The following PRR16 variants were observed in gnomAD, a reference collection of about 807,000 sequenced individuals.
PRR16 encodes the protein protein Largen.
In PRR16, 6 loss-of-function variants were observed where a neutral mutation model predicts 18.2. That is an observed-to-expected ratio of 0.33 (90% CI 0.18 to 0.65). The LOEUF is 0.65. Among genes scored for constraint, PRR16 ranks in the 30% least tolerant of loss-of-function variants. The probability of loss-of-function intolerance (pLI) is 0.74; values close to 1 mark genes in which losing one functional copy is unlikely to be tolerated. For missense variants in PRR16, 412 were observed against 376.6 expected (o/e 1.09, Z -0.78); for synonymous variants, 151 against 147.8 (o/e 1.02, Z -0.16).
intron 1 of PRR16, among the ~76,000 whole-genome samples, chr5:120,594,148 C>T (rs1753728483): frequency 6.6e-6 from 1 of 152,028 alleles, no homozygotes; most frequent in South Asian, 2.1e-4. Context: ...GAAGTCCTGG[C>T]AAGAGCAATC....
At chr5:120,563,149 A>T (rs1348295709) in intron 1 of PRR16, among the ~76,000 whole-genome samples, 1 of 152,114 alleles carries the variant, frequency 6.6e-6, no homozygotes, top group African/African-American at 2.4e-5. Flanking sequence ...TGCCAGCTAT[A>T]TTATTCTATG....
chr5:120,714,901 C>T, the PRR16 span, among the ~76,000 whole-genome samples: 2 of 152,198 alleles, frequency 1.3e-5, no homozygotes, highest in South Asian at 4.1e-4. Flanking sequence ...GAAAACCAAA[C>T]ACTACATGTT....
rs189084984 is a variant in PRR16 at position 120,575,320 on chromosome 5, C to T, written c.160-110634C>T. ...TTGATTACAAAACCAGACAAGGAAACACACACACACACACACACACACACA... is the reference window on the plus strand; with the variant it reads ...TTGATTACAAAACCAGACAAGGAAATACACACACACACACACACACACACA... On this transcript the variant is annotated intron_variant, in intron 1 of 1. Transcript: ENST00000407149. Among the ~76,000 whole-genome samples, 659 of 143,108 alleles carry T rather than the reference C, an allele frequency of 4.6e-3. 3 individuals are homozygous for T. Among genetic ancestry groups the T allele is most frequent in the Middle Eastern group, 0.031 (8 of 254 alleles). 93.9% of individuals were successfully genotyped at this position (143,108 alleles called of 152,430 possible). A position where few individuals can be genotyped will look rare whatever the true frequency, so the allele number is the denominator to read the frequency against.
intron 1 of PRR16, among the ~76,000 whole-genome samples, chr5:120,466,922 A>G (rs11954401): frequency 0.015 from 2,231 of 152,274 alleles, 54 homozygotes; most frequent in African/African-American, 0.051. Context: ...TCATCATCCT[A>G]GATTTGCACA....
At chr5:120,576,404 A>G (rs1158071046) in intron 1 of PRR16, among the ~76,000 whole-genome samples, 2 of 152,202 alleles carry the variant, frequency 1.3e-5, no homozygotes, top group Non-Finnish European at 2.9e-5. Flanking sequence ...ACCAACAAGT[A>G]TATGAAAAAA....
chr5:120,692,958 GAATA>G, the PRR16 span, among the ~76,000 whole-genome samples: 5 of 152,052 alleles, frequency 3.3e-5, no homozygotes, highest in South Asian at 2.1e-4. Flanking sequence ...TCAAGTTTCT[GAATA>G]AATAATCTTT....
chr5:120,737,730 C>T, the PRR16 span, among the ~76,000 whole-genome samples: 8 of 151,096 alleles, frequency 5.3e-5, no homozygotes, highest in East Asian at 2.0e-4. Flanking sequence ...CCATCCAGTA[C>T]GGGATTATTT....
chr5:120,686,591 G>T lies in PRR16; in HGVS notation c.797G>T (p.Gly266Val). The change falls in exon 2 of 2, where the codon GGA becomes GTA. Residue 266 changes from glycine to valine, a missense_variant. By Grantham distance (109) the Gly-to-Val change is moderately radical (BLOSUM62 -3). Transcript: ENST00000407149. The part of the protein sequence containing the change: ...HLPPFPLENG[G>V]MGISHSNSFP... ...CCTCCTTTCCCACTAGAAAATGGGG[G>T]AATGGGAATAAGCCACAGTAACAGC... The T allele has an allele frequency of 6.2e-7, 1 of 1,613,588 alleles. No individual in the cohort carries two copies. The highest frequency in any genetic ancestry group is 8.5e-7 in the Non-Finnish European group (1 of 1,179,838).
At chr5:120,523,687 T>C (rs766644187) in intron 1 of PRR16, among the ~76,000 whole-genome samples, 1 of 152,174 alleles carries the variant, frequency 6.6e-6, no homozygotes. Context: ...CAGTGACTTA[T>C]TATGCTTAAA....
the PRR16 span, among the ~76,000 whole-genome samples, chr5:120,745,685 A>ATTTTATTAT: frequency 6.6e-6 from 1 of 150,558 alleles, no homozygotes; most frequent in Non-Finnish European, 1.5e-5. Context: ...TATTTATTTT[A>ATTTTATTAT]TTATTTATTT....
chr5:120,486,404 T>C (rs948112684), intron 1 of PRR16, among the ~76,000 whole-genome samples: 9 of 150,700 alleles, frequency 6.0e-5, no homozygotes, highest in African/African-American at 2.0e-4. Context: ...TGGCCAGTGA[T>C]GATGAGCATT....
chr5:120,469,569 A>G (rs575368820), intron 1 of PRR16, among the ~76,000 whole-genome samples: 1 of 152,132 alleles, frequency 6.6e-6, no homozygotes, highest in East Asian at 1.9e-4. Context: ...TCTTCAAGTC[A>G]TCCTCCTGCT....
intron 1 of PRR16, among the ~76,000 whole-genome samples, chr5:120,512,930 A>G (rs1178284188): frequency 1.3e-5 from 2 of 152,160 alleles, no homozygotes; most frequent in African/African-American, 2.4e-5. Flanking sequence ...AGAATATGCT[A>G]TAATAAAGGG....
chr5:120,488,198 G>A (rs1474957439), intron 1 of PRR16, among the ~76,000 whole-genome samples: 1 of 152,140 alleles, frequency 6.6e-6, no homozygotes, highest in African/African-American at 2.4e-5. Flanking sequence ...TTTTTCTGTT[G>A]ATTGGAATAG....
intron 1 of PRR16, among the ~76,000 whole-genome samples, chr5:120,599,243 A>C (rs1753907816): frequency 6.6e-6 from 1 of 151,838 alleles, no homozygotes; most frequent in Non-Finnish European, 1.5e-5. Context: ...CCCCAGCTTT[A>C]AATTCAAAAC....
chr5:120,725,867 G>A, the PRR16 span, among the ~76,000 whole-genome samples: 1 of 152,012 alleles, frequency 6.6e-6, no homozygotes, highest in Non-Finnish European at 1.5e-5. Context: ...GAATACTATA[G>A]TGAGAAGGCA....
intron 1 of PRR16, among the ~76,000 whole-genome samples, chr5:120,608,869 A>AGGTCTTCATTTCCTTTATACTTC (rs1278097047): frequency 6.6e-6 from 1 of 152,146 alleles, no homozygotes; most frequent in African/African-American, 2.4e-5. Flanking sequence ...ATATAAACTG[A>AGGTCTTCATTTCCTTTATACTTC]GGTCTTCATT....
chr5:120,584,114 A>G (rs1753362284), intron 1 of PRR16, among the ~76,000 whole-genome samples: 1 of 152,166 alleles, frequency 6.6e-6, no homozygotes, highest in Admixed American at 6.6e-5. Flanking sequence ...AAGCCACTTG[A>G]AAAGAATGGA....
chr5:120,614,350 A>C lies in PRR16; in HGVS notation c.160-71604A>C, dbSNP rs1052543126. Among the ~76,000 whole-genome samples, 19 of 152,314 alleles carry C rather than the reference A, an allele frequency of 1.2e-4. No individual in the cohort carries two copies. The East Asian group carries it at 3.5e-3, about 28-fold the overall frequency. On this transcript the variant is annotated intron_variant, in intron 1 of 1. Transcript: ENST00000407149. The stretch of plus-strand genomic sequence containing the variant: ...TTAAAACAGATTTGGGATGTTGATT[A>C]ATTCTGCACAGGCCAAAAATGTAAA...
Sources: allele counts gnomAD v4.1 joint callset (sites outside exome capture counted in the v4.1 genomes callset), GRCh38; gene constraint gnomAD v4.1.1; transcripts MANE v1.5; gene names NCBI Gene and HGNC (gene_info 2026-07-23, HGNC 2026-07-21).